The following MAPRE3 variants were observed in gnomAD, a reference collection of about 807,000 sequenced individuals.
MAPRE3 encodes microtubule-associated protein RP/EB family member 3.
In MAPRE3, 2 loss-of-function variants were observed where a neutral mutation model predicts 30.5. That is an observed-to-expected ratio of 0.07 (90% CI 0.03 to 0.21). The LOEUF (loss-of-function observed/expected upper bound fraction) is 0.21. MAPRE3 is among the 10% of genes least tolerant of loss of function. MAPRE3 has a pLI of 1.00. For missense variants in MAPRE3, 204 were observed against 351.8 expected (o/e 0.58, Z 3.36); for synonymous variants, 110 against 127.7 (o/e 0.86, Z 0.93).
chr2:27,024,808 A>T (rs577869662), intron 4 of MAPRE3, among the ~76,000 whole-genome samples: 1 of 152,206 alleles, frequency 6.6e-6, no homozygotes, highest in African/African-American at 2.4e-5. Context: ...TGGGTCCTGG[A>T]GGGGAAGGGA....
chr2:27,005,445 T>C (rs1006727035), intron 1 of MAPRE3, among the ~76,000 whole-genome samples: 12 of 152,214 alleles, frequency 7.9e-5, no homozygotes, highest in African/African-American at 2.7e-4. Flanking sequence ...TTTGGGGTCA[T>C]CTTTGACCTC....
rs1320893704 is a variant in MAPRE3 at position 27,015,366 on chromosome 2, C to A, written c.-7-6846C>A. On this transcript the variant is annotated intron_variant, in intron 1 of 6. Transcript: ENST00000233121. The surrounding 1 kb of genome is among the most constrained non-coding windows in gnomAD (Gnocchi z 4.0). ...CACTTTATAGATGAGGACACTGAGA[C>A]CTAAAGTCAAGTCAGACAGCTAGGA... Among the ~76,000 whole-genome samples the A allele has an allele frequency of 1.3e-5, 2 of 152,174 alleles. No individual in the cohort carries two copies. Among genetic ancestry groups the A allele is most frequent in the African/African-American group, 4.8e-5 (2 of 41,428 alleles).
chr2:26,992,536 T>TAA (rs1666369219), intron 1 of MAPRE3, among the ~76,000 whole-genome samples: 1 of 120,252 alleles, frequency 8.3e-6, no homozygotes, highest in African/African-American at 2.5e-5. Flanking sequence ...AGATAATTTT[T>TAA]TTTTTTTTTT....
At chr2:26,979,154 G>A (rs1456371110) in intron 1 of MAPRE3, among the ~76,000 whole-genome samples, 5 of 152,234 alleles carry the variant, frequency 3.3e-5, no homozygotes, top group African/African-American at 4.8e-5. Context: ...GGTTGATGTG[G>A]AGACTCATCA....
At chr2:26,993,646 C>T (rs1666396708) in intron 1 of MAPRE3, among the ~76,000 whole-genome samples, 1 of 152,196 alleles carries the variant, frequency 6.6e-6, no homozygotes, top group Non-Finnish European at 1.5e-5. Flanking sequence ...ATGTCCCTAA[C>T]ACTTCAGGTG....
chr2:26,978,900 T>C (rs191412140), intron 1 of MAPRE3, among the ~76,000 whole-genome samples: 15 of 152,342 alleles, frequency 9.8e-5, no homozygotes, highest in African/African-American at 3.6e-4. Flanking sequence ...TATGACAATA[T>C]TGCATGTCAG....
chr2:27,001,271 A>G (rs796608033), intron 1 of MAPRE3, among the ~76,000 whole-genome samples: 6 of 152,362 alleles, frequency 3.9e-5, no homozygotes, highest in African/African-American at 1.4e-4. Context: ...TATTGCTCCT[A>G]GGCTACAAAC....
intron 1 of MAPRE3, among the ~76,000 whole-genome samples, chr2:27,001,410 G>A (rs1251827234): frequency 6.6e-6 from 1 of 152,126 alleles, no homozygotes; most frequent in Admixed American, 6.5e-5. Flanking sequence ...GGAGGTTGAG[G>A]CGGCAGGATC....
Position 27,022,289 on chromosome 2 carries a change from TCAA to T in MAPRE3, c.73_75del (p.Asn25del). 6.2e-7 allele frequency: 1 copy of T among 1,613,078 alleles called. No individual in the cohort carries two copies. The highest frequency in any genetic ancestry group is 8.5e-7 in the Non-Finnish European group (1 of 1,179,136). Reference sequence around the variant, plus strand: ...AGTCGCCATGATATGCTTGCATGGGTCAACGACTCCCTGCACCTCAACTATACC... The same window carrying T: ...AGTCGCCATGATATGCTTGCATGGGTCGACTCCCTGCACCTCAACTATACC... On this transcript the variant is annotated inframe_deletion, in exon 2 of 7. Transcript: ENST00000233121.
chr2:26,990,297 C>T (rs769551785), intron 1 of MAPRE3, among the ~76,000 whole-genome samples: 1 of 152,180 alleles, frequency 6.6e-6, no homozygotes, highest in African/African-American at 2.4e-5. Context: ...CCTATGCGCC[C>T]CATGCTCTCC....
At chr2:27,006,107 G>A (rs1372064953) in intron 1 of MAPRE3, among the ~76,000 whole-genome samples, 3 of 152,108 alleles carry the variant, frequency 2.0e-5, no homozygotes, top group South Asian at 2.1e-4. Flanking sequence ...GCGTGAACCC[G>A]GGAGGCGTAG....
chr2:27,022,227 C>T lies in MAPRE3; in HGVS notation c.9C>T (p.Val3=). The stretch of plus-strand genomic sequence containing the variant: ...TGCTTTCCAGCTGGGGTATGGCCGT[C>T]AATGTGTACTCCACATCTGTGACCA... MA[V]NVYSTSVTSE... Residue 3 remains valine, a synonymous_variant, in exon 2 of 7, where the codon GTC becomes GTT. Coordinates refer to ENST00000233121, the MANE Select transcript of MAPRE3 (RefSeq NM_012326.4). 1 of 1,613,876 alleles carries T rather than the reference C, an allele frequency of 6.2e-7. No individual in the cohort carries two copies. The highest frequency in any genetic ancestry group is 8.5e-7 in the Non-Finnish European group (1 of 1,180,010).
At chr2:26,988,324 T>G (rs1379891430) in intron 1 of MAPRE3, among the ~76,000 whole-genome samples, 1 of 152,254 alleles carries the variant, frequency 6.6e-6, no homozygotes, top group Non-Finnish European at 1.5e-5. Flanking sequence ...CTTGTTTTTT[T>G]TCAACTTGTA....
At position 26,985,390 on chromosome 2, in the gene MAPRE3, G is replaced by A. The variant is rs1486915794; in HGVS notation, c.-8+14588G>A. ...AAAGACTTAGCCAGAGAGCATTCTG[G>A]CAGCATAGATCTGAGTTGGTGAAGC... On this transcript the variant is annotated intron_variant, in intron 1 of 6. Transcript: ENST00000233121. The surrounding 1 kb of genome is among the most constrained non-coding windows in gnomAD (Gnocchi z 4.2). Among the ~76,000 whole-genome samples the A allele has an allele frequency of 1.3e-5, 2 of 152,196 alleles. No individual in the cohort carries two copies. The highest frequency in any genetic ancestry group is 4.8e-5 in the African/African-American group (2 of 41,460).
At chr2:26,979,989 G>T (rs1037764445) in intron 1 of MAPRE3, among the ~76,000 whole-genome samples, 4 of 152,148 alleles carry the variant, frequency 2.6e-5, no homozygotes, top group African/African-American at 9.7e-5. Flanking sequence ...GCAGCACAGA[G>T]GAGGGCTGGA....
intron 1 of MAPRE3, among the ~76,000 whole-genome samples, chr2:26,983,584 G>A (rs1666160895): frequency 6.6e-6 from 1 of 152,224 alleles, no homozygotes; most frequent in Non-Finnish European, 1.5e-5. Context: ...GGGTACTTAA[G>A]AAGATCCCAT....
At chr2:26,972,107 T>C (rs1168420100) in intron 1 of MAPRE3, among the ~76,000 whole-genome samples, 1 of 152,250 alleles carries the variant, frequency 6.6e-6, no homozygotes, top group Middle Eastern at 3.2e-3. Context: ...CTAACTACTA[T>C]ATGACCTCAT....
At chr2:26,997,723 G>A (rs1367435454) in intron 1 of MAPRE3, among the ~76,000 whole-genome samples, 1 of 152,170 alleles carries the variant, frequency 6.6e-6, no homozygotes, top group South Asian at 2.1e-4. Flanking sequence ...GGATAGTTTG[G>A]TAACTTAAAT....
At chr2:27,006,824 A>G (rs1666739560) in intron 1 of MAPRE3, among the ~76,000 whole-genome samples, 1 of 152,240 alleles carries the variant, frequency 6.6e-6, no homozygotes, top group African/African-American at 2.4e-5. Context: ...ACTCTGGCTT[A>G]TATGCCATCT....
Sources: gnomAD v4.1 joint callset for allele counts (sites outside exome capture counted in the v4.1 genomes callset) on GRCh38, gnomAD v4.1.1 for gene constraint, Gnocchi (gnomAD v3.1) non-coding constraint, MANE v1.5 for transcripts, NCBI Gene and HGNC (gene_info 2026-07-23, HGNC 2026-07-21) for gene names.